Variants in TMPRSS9 observed in about 807,000 individuals in gnomAD.
TMPRSS9 encodes transmembrane protease serine 9.
TMPRSS9 carries 113 observed loss-of-function variants against 111.4 expected under a neutral mutation model. That is an observed-to-expected ratio of 1.01 (90% CI 0.87 to 1.19). The LOEUF is 1.19. Ranked by LOEUF, TMPRSS9 falls within the 50% of genes most tolerant of loss-of-function variation. TMPRSS9 has a pLI of 0.00. For missense variants in TMPRSS9, 1,803 were observed against 1,513.1 expected, an observed-to-expected ratio of 1.19 and a Z score of -3.18; for synonymous variants, 805 against 659.1, an observed-to-expected ratio of 1.22 and a Z score of -3.39.
Position 2,396,677 on chromosome 19 carries a change from T to A in TMPRSS9, c.270+11T>A, listed in dbSNP as rs1457341725. On this transcript the variant is annotated intron_variant, in intron 2 of 17. Transcript: ENST00000648592. ...ACCCTGGAGGCACTGGTGAGGGTGG[T>A]CTGTGTTTGGGGGCCAGGGAGGAAG... is the stretch of plus-strand genomic sequence containing the variant. The A allele has an allele frequency of 6.2e-7, 1 of 1,601,214 alleles. No homozygotes were observed. The highest frequency in any genetic ancestry group is 1.7e-5 in the Admixed American group (1 of 59,036).
rs1466560197 is a variant in TMPRSS9 at position 2,418,305 on chromosome 19, CTT to C, written c.2154+169_2154+170del. ...TTCCTTTCCTCCTTTCCTTCCCTCC[CTT>C]TCCCTCCCTCCCTCCCTCCCTCCCT... is the stretch of plus-strand genomic sequence containing the variant. On this transcript the variant is annotated intron_variant, in intron 13 of 17. Transcript: ENST00000648592. Among the ~76,000 whole-genome samples, 85 of 65,026 alleles carry C rather than the reference CTT, an allele frequency of 1.3e-3. 14 individuals are homozygous for C. The highest frequency in any genetic ancestry group is 9.4e-3 in the African/African-American group (72 of 7,658). The allele number at this position is 65,026 out of a possible 152,430, so 42.7% of individuals were successfully genotyped here. A position where few individuals can be genotyped will look rare whatever the true frequency, so the allele number is the denominator to read the frequency against.
In TMPRSS9 at chr19:2,425,373, G is replaced by A. The variant is rs374108172; in HGVS notation, c.3000G>A (p.Gln1000=). 3.5e-4 allele frequency: 538 copies of A among 1,530,594 alleles called. 5 individuals are homozygous for A. In the African/African-American group the frequency reaches 6.9e-3, roughly 20 times the overall value. The allele number at this position is 1,530,594 out of a possible 1,614,324, so 94.8% of individuals were successfully genotyped here. ...CGCCCGCAGGCTCCATGGCGCGGCA[G>A]CTGCAGAAGGCGGCCGTGCGCCTCC... is the stretch of plus-strand genomic sequence containing the variant. The change falls in exon 17 of 18, where the codon CAG becomes CAA. Residue 1000 remains glutamine, a synonymous_variant. Transcript: ENST00000648592.
intron 5 of TMPRSS9, among the ~76,000 whole-genome samples, chr19:2,402,324 C>G (rs543205799): frequency 6.6e-6 from 1 of 152,128 alleles, no homozygotes; most frequent in African/African-American, 2.4e-5. Context: ...TGCCTGTACT[C>G]TCAGCTACTT....
intron 13 of TMPRSS9, among the ~76,000 whole-genome samples, chr19:2,420,935 T>C (rs1434758736): frequency 6.6e-6 from 1 of 152,146 alleles, no homozygotes; most frequent in African/African-American, 2.4e-5. Context: ...CCAGGCCAGG[T>C]GGCTCACATC....
rs565280597 is a variant in TMPRSS9, at chr19:2,407,194, CTG to C, written c.843-1160_843-1159del. On this transcript the variant is annotated intron_variant, in intron 7 of 17. Coordinates refer to ENST00000648592, the Ensembl canonical transcript of TMPRSS9. ...GGCTCCCCTCACCCTAATCCCAACT[CTG>C]TCTCATCCTGTCTTTGTTTAAAATG... is the stretch of plus-strand genomic sequence containing the variant. Among the ~76,000 whole-genome samples the C allele has an allele frequency of 3.2e-4, 48 of 152,154 alleles. 1 individual carries two copies. The highest frequency in any genetic ancestry group is 3.0e-3 in the Admixed American group (45 of 15,236).
At chr19:2,366,192 A>T (rs571546557) in intron 1 of TMPRSS9, among the ~76,000 whole-genome samples, 1 of 152,074 alleles carries the variant, frequency 6.6e-6, no homozygotes, top group East Asian at 1.9e-4. Context: ...CCAAAAATTT[A>T]AAAAATTAGC....
exon 11 of TMPRSS9, chr19:2,415,741 G>A: frequency 1.2e-6 from 2 of 1,610,392 alleles, no homozygotes; most frequent in Non-Finnish European, 8.5e-7. Flanking sequence ...CTCCGGGGAG[G>A]TGCCCTGGCA....
chr19:2,412,399 G>A (rs115841897), intron 9 of TMPRSS9, among the ~76,000 whole-genome samples: 2,693 of 152,132 alleles, frequency 0.018, 84 homozygotes, highest in African/African-American at 0.062. Flanking sequence ...GTGAGACGCC[G>A]TCTCAAACAA....
chr19:2,391,499 G>A (rs1970595109), intron 1 of TMPRSS9, among the ~76,000 whole-genome samples: 1 of 151,646 alleles, frequency 6.6e-6, no homozygotes, highest in Non-Finnish European at 1.5e-5. Flanking sequence ...CCTCGTGTGA[G>A]TGTATTTGTG....
At chr19:2,387,175 A>T (rs2145274328), upstream of TMPRSS9, among the ~76,000 whole-genome samples, 1 of 151,206 alleles carries the variant, frequency 6.6e-6, no homozygotes, top group Admixed American at 6.6e-5. Context: ...TGGGCAACAT[A>T]ACAAGATTCC....
chr19:2,411,192 C>T (rs554922786), intron 9 of TMPRSS9, among the ~76,000 whole-genome samples: 4 of 145,264 alleles, frequency 2.8e-5, no homozygotes, highest in African/African-American at 5.1e-5. Flanking sequence ...CCCAGCTCCT[C>T]GGGTGGCTGA....
intron 1 of TMPRSS9, among the ~76,000 whole-genome samples, chr19:2,394,132 G>C (rs1348111968): frequency 6.6e-6 from 1 of 152,038 alleles, no homozygotes; most frequent in Non-Finnish European, 1.5e-5. Context: ...GGACCCAGGA[G>C]GCAGAGGTTG....
upstream of TMPRSS9, among the ~76,000 whole-genome samples, chr19:2,388,706 C>T (rs1970524348): frequency 6.6e-6 from 1 of 152,058 alleles, no homozygotes; most frequent in African/African-American, 2.4e-5. Flanking sequence ...CTGCAGCTTC[C>T]ACCTCCTGGG....
chr19:2,379,355 T>G (rs1012033549), intron 1 of TMPRSS9, among the ~76,000 whole-genome samples: 2 of 151,748 alleles, frequency 1.3e-5, no homozygotes, highest in African/African-American at 4.8e-5. Context: ...CTGGCTAATT[T>G]TTTGTATTTT....
At chr19:2,361,900 C>T (rs1970202436) in intron 1 of TMPRSS9, among the ~76,000 whole-genome samples, 1 of 152,172 alleles carries the variant, frequency 6.6e-6, no homozygotes, top group Admixed American at 6.5e-5. Flanking sequence ...CGCAGGACAC[C>T]TGTGGTCCTG....
intron 13 of TMPRSS9, among the ~76,000 whole-genome samples, chr19:2,420,139 G>A (rs1173074936): frequency 6.6e-6 from 1 of 150,642 alleles, no homozygotes; most frequent in African/African-American, 2.5e-5. Flanking sequence ...TCCATCCTGG[G>A]CGACACAGCA....
chr19:2,420,391 G>A (rs1186772693), intron 13 of TMPRSS9, among the ~76,000 whole-genome samples: 1 of 145,494 alleles, frequency 6.9e-6, no homozygotes, highest in Non-Finnish European at 1.5e-5. Context: ...ACAGTGAGCC[G>A]AGATCATGTC....
chr19:2,401,788 A>T (rs1970853921), intron 4 of TMPRSS9, among the ~76,000 whole-genome samples, 187 bp from the exon 6 acceptor site: 1 of 151,102 alleles, frequency 6.6e-6, no homozygotes, highest in African/African-American at 2.4e-5. Context: ...TTGTATTTTT[A>T]GTAGAGACAG....
exon 15 of TMPRSS9, chr19:2,424,146 G>T: frequency 6.9e-7 from 1 of 1,444,074 alleles, no homozygotes; most frequent in Non-Finnish European, 9.1e-7. Flanking sequence ...GCAGCGGGCC[G>T]TGGGGAGTGG....
Sources: gnomAD v4.1 joint callset for allele counts (sites outside exome capture counted in the v4.1 genomes callset) on GRCh38, gnomAD v4.1.1 for gene constraint, MANE v1.5 for transcripts, NCBI Gene and HGNC (gene_info 2026-07-23, HGNC 2026-07-21) for gene names.